The following CELF2 variants were observed in gnomAD, a reference collection of about 807,000 sequenced individuals.
CELF2 encodes the protein CUGBP Elav-like family member 2.
CELF2 carries 8 observed loss-of-function variants against 62.6 expected under a neutral mutation model. The ratio of observed to expected loss-of-function variants is 0.13; its 90% CI spans 0.07 to 0.23. The LOEUF is 0.23. Ranked by LOEUF, CELF2 falls within the 10% of genes least tolerant of loss-of-function variation. The pLI is 1.00. For missense variants in CELF2, 333 were observed against 671.0 expected, an observed-to-expected ratio of 0.50 and a Z score of 5.56; for synonymous variants, 258 against 250.0, an observed-to-expected ratio of 1.03 and a Z score of -0.30.
the CELF2 span, among the ~76,000 whole-genome samples, chr10:10,531,645 C>T: frequency 6.6e-6 from 1 of 152,168 alleles, no homozygotes; most frequent in Admixed American, 6.5e-5. Context: ...CTTCACTTAG[C>T]ATCCTGATCT....
Position 10,995,176 on chromosome 10 carries a change from C to G in CELF2, c.89+75177C>G, listed in dbSNP as rs1487561910. On this transcript the variant is annotated intron_variant, in intron 2 of 13. Coordinates refer to the CELF2 transcript ENST00000636488. This position sits in a 1 kb window ranked among gnomAD's most constrained non-coding sequence, Gnocchi z 4.7. ...ATGCCCCGTGCCTCTTTTGAATCCT[C>G]CTTAGAGTAATTCAACTTTAGATAA... Among the ~76,000 whole-genome samples, 1 of 152,190 alleles carries G rather than the reference C, an allele frequency of 6.6e-6. No homozygotes were observed. Among genetic ancestry groups the G allele is most frequent in the Non-Finnish European group, 1.5e-5 (1 of 68,042 alleles).
At chr10:10,917,282 C>G (rs1032260044) in intron 1 of CELF2, among the ~76,000 whole-genome samples, 5 of 152,152 alleles carry the variant, frequency 3.3e-5, no homozygotes, top group Non-Finnish European at 4.4e-5. Context: ...ATCCAGTAAG[C>G]TTTTGAAACA....
upstream of CELF2, among the ~76,000 whole-genome samples, chr10:11,013,217 G>T (rs1010814799): frequency 3.6e-4 from 55 of 152,284 alleles, no homozygotes; most frequent in African/African-American, 1.0e-3. The surrounding 1 kb of genome is among the most constrained non-coding windows in gnomAD (Gnocchi z 4.1). Context: ...GGAAGTTTCT[G>T]CCACTGTCTG....
the CELF2 span, among the ~76,000 whole-genome samples, chr10:10,526,852 A>T: frequency 6.6e-6 from 1 of 152,260 alleles, no homozygotes. Flanking sequence ...TGGAGGTCAC[A>T]GGCTGAACAA....
rs1237591808 is a variant in CELF2, at chr10:10,947,436, A to G, written c.89+27437A>G. 6.5e-6 allele frequency: 1 copy of G among 152,674 alleles called. No individual in the cohort carries two copies. The highest frequency in any genetic ancestry group is 1.5e-5 in the Non-Finnish European group (1 of 68,044). 9.5% of individuals were successfully genotyped at this position (152,674 alleles called of 1,614,324 possible). ...CCTTACAAGGCATAGCCAGATTGCC[A>G]AGTAATTACCTTGATTTATGAAGGC... On this transcript the variant is annotated intron_variant, in intron 2 of 13. Transcript: ENST00000636488. The surrounding 1 kb of genome is among the most constrained non-coding windows in gnomAD (Gnocchi z 4.1).
At chr10:11,086,219 G>T (rs1333488009) in intron 1 of CELF2, among the ~76,000 whole-genome samples, 1 of 152,084 alleles carries the variant, frequency 6.6e-6, no homozygotes, top group Non-Finnish European at 1.5e-5. Flanking sequence ...CTATAGGGCA[G>T]CTCCACTGAG....
the CELF2 span, among the ~76,000 whole-genome samples, chr10:10,642,540 G>A: frequency 2.0e-5 from 3 of 152,200 alleles, no homozygotes; most frequent in African/African-American, 7.2e-5. Flanking sequence ...CCATGCATGT[G>A]CTTTAGCTCT....
the CELF2 span, among the ~76,000 whole-genome samples, chr10:10,497,214 G>GAAAAAAAAA: frequency 7.0e-6 from 1 of 143,172 alleles, no homozygotes. Context: ...AAGATAAAAA[G>GAAAAAAAAA]AAAAAAAAAA....
At chr10:10,576,488 T>C in the CELF2 span, among the ~76,000 whole-genome samples, 1 of 152,130 alleles carries the variant, frequency 6.6e-6, no homozygotes, top group Non-Finnish European at 1.5e-5. Flanking sequence ...TCCCAGTGTA[T>C]AGGTAAAGAA....
At position 11,110,652 on chromosome 10, in the gene CELF2, G is replaced by T. The variant is rs1595484460; in HGVS notation, c.75-54834G>T. 6.6e-6 allele frequency among the ~76,000 whole-genome samples: 1 copy of T among 152,302 alleles called. No individual in the cohort carries two copies. Among genetic ancestry groups the T allele is most frequent in the African/African-American group, 2.4e-5 (1 of 41,562 alleles). On this transcript the variant is annotated intron_variant, in intron 1 of 12. Coordinates refer to ENST00000633077, the MANE Select transcript of CELF2 (RefSeq NM_001326342.2). This position sits in a 1 kb window ranked among gnomAD's most constrained non-coding sequence, Gnocchi z 4.0. ...CTGTTTGGTGAGTGGGGAGATGGCA[G>T]TGAGACAGCCAGTGTGACGTTGAGA... is the stretch of plus-strand genomic sequence containing the variant.
At chr10:10,657,347 G>A in the CELF2 span, among the ~76,000 whole-genome samples, 5 of 151,760 alleles carry the variant, frequency 3.3e-5, no homozygotes, top group Admixed American at 6.6e-5. Flanking sequence ...CTGTGGTGAT[G>A]GTTGCGTAAC....
chr10:10,566,475 A>C, the CELF2 span, among the ~76,000 whole-genome samples: 1 of 148,058 alleles, frequency 6.8e-6, no homozygotes, highest in Non-Finnish European at 1.5e-5. Context: ...TGTGCAGGTT[A>C]GTTACATATG....
chr10:10,806,308 G>A (rs1391226527), intron 1 of CELF2, among the ~76,000 whole-genome samples: 10 of 151,586 alleles, frequency 6.6e-5, no homozygotes, highest in African/African-American at 1.9e-4. Context: ...TGGTTCAAGC[G>A]ATTCTCCTGC....
the CELF2 span, among the ~76,000 whole-genome samples, chr10:10,760,211 T>C: frequency 6.6e-6 from 1 of 152,170 alleles, no homozygotes; most frequent in East Asian, 1.9e-4. Flanking sequence ...GCTAAAATCA[T>C]TTTTACCACT....
chr10:10,889,736 A>G (rs1035806207), intron 1 of CELF2, among the ~76,000 whole-genome samples: 6 of 152,214 alleles, frequency 3.9e-5, no homozygotes, highest in Non-Finnish European at 5.9e-5. Flanking sequence ...AAGAAAACAT[A>G]AAAGTATCCT....
the CELF2 span, among the ~76,000 whole-genome samples, chr10:10,644,809 G>A: frequency 1.3e-5 from 2 of 152,152 alleles, no homozygotes; most frequent in African/African-American, 2.4e-5. Flanking sequence ...ATGCACTTTG[G>A]AGCAGTTCAC....
intron 1 of CELF2, among the ~76,000 whole-genome samples, chr10:10,837,270 T>C (rs2058361083): frequency 6.6e-6 from 1 of 152,220 alleles, no homozygotes; most frequent in South Asian, 2.1e-4. Context: ...TAATGATATT[T>C]TTAAAGAGTT....
At chr10:10,588,777 C>T in the CELF2 span, among the ~76,000 whole-genome samples, 3 of 152,200 alleles carry the variant, frequency 2.0e-5, no homozygotes, top group African/African-American at 7.2e-5. Flanking sequence ...TAGAGCTATT[C>T]TCAAGGTATT....
intron 1 of CELF2, among the ~76,000 whole-genome samples, chr10:10,917,142 C>T (rs2064416987): frequency 1.3e-5 from 2 of 152,078 alleles, no homozygotes. Context: ...GTACCATAAA[C>T]AGGTTGGGGA....
Sources: allele counts gnomAD v4.1 joint callset (sites outside exome capture counted in the v4.1 genomes callset), GRCh38; gene constraint gnomAD v4.1.1; non-coding constraint Gnocchi (gnomAD v3.1); transcripts MANE v1.5; gene names NCBI Gene and HGNC (gene_info 2026-07-23, HGNC 2026-07-21).